Variants in FAM168A observed in about 807,000 individuals in gnomAD.
The protein encoded by FAM168A is protein FAM168A.
Under a neutral mutation model 28.5 loss-of-function variants are expected in FAM168A, and 3 were observed. That is an observed-to-expected ratio of 0.11 (90% CI 0.05 to 0.27). The LOEUF (loss-of-function observed/expected upper bound fraction) is 0.27, where lower values mean the gene tolerates loss of function less well. FAM168A is among the 10% of genes least tolerant of loss of function. FAM168A has a pLI of 1.00. For missense variants in FAM168A, 222 were observed against 311.5 expected (o/e 0.71, Z 2.16); for synonymous variants, 122 against 124.2 (o/e 0.98, Z 0.12).
At chr11:73,537,776 A>C (rs1028885646) in intron 1 of FAM168A, among the ~76,000 whole-genome samples, 1 of 152,170 alleles carries the variant, frequency 6.6e-6, no homozygotes, top group African/African-American at 2.4e-5. Context: ...AGTATTTCTC[A>C]GTCTGGTTTC....
intron 1 of FAM168A, among the ~76,000 whole-genome samples, chr11:73,579,563 T>C (rs775765579): frequency 2.0e-5 from 3 of 152,180 alleles, no homozygotes; most frequent in Non-Finnish European, 4.4e-5. Flanking sequence ...CAGTAAAGCA[T>C]AAATAACAGA....
chr11:73,554,237 G>T (rs1943862552), intron 1 of FAM168A, among the ~76,000 whole-genome samples: 1 of 151,462 alleles, frequency 6.6e-6, no homozygotes, highest in African/African-American at 2.4e-5. Context: ...AAATTAGCTG[G>T]GCATGGGGTG....
intron 1 of FAM168A, among the ~76,000 whole-genome samples, chr11:73,537,179 C>T (rs1943593109): frequency 6.6e-6 from 1 of 152,118 alleles, no homozygotes; most frequent in Admixed American, 6.5e-5. Flanking sequence ...TCTAAATGAG[C>T]ACAGAAGAGT....
chr11:73,472,632 T>C (rs1326459793), intron 1 of FAM168A, among the ~76,000 whole-genome samples: 2 of 152,216 alleles, frequency 1.3e-5, no homozygotes, highest in Non-Finnish European at 2.9e-5. Context: ...AGTAGGGCAA[T>C]CGGGAGGTTT....
chr11:73,433,561 T>G (rs1867035228), intron 2 of FAM168A, among the ~76,000 whole-genome samples: 1 of 152,142 alleles, frequency 6.6e-6, no homozygotes, highest in Non-Finnish European at 1.5e-5. Context: ...TTTTTATATA[T>G]GATATGAGGT....
intron 1 of FAM168A, among the ~76,000 whole-genome samples, chr11:73,562,494 T>C (rs1943970794): frequency 6.6e-6 from 1 of 152,204 alleles, no homozygotes; most frequent in Non-Finnish European, 1.5e-5. Flanking sequence ...TCATTTGATT[T>C]CTTGCTTAAT....
At chr11:73,576,615 G>A (rs146529376) in intron 1 of FAM168A, among the ~76,000 whole-genome samples, 8 of 152,228 alleles carry the variant, frequency 5.3e-5, no homozygotes, top group East Asian at 3.9e-4. Flanking sequence ...AAATGAAGAC[G>A]GAAATGGGGA....
intron 1 of FAM168A, among the ~76,000 whole-genome samples, chr11:73,517,779 G>C (rs1176952112): frequency 6.6e-6 from 1 of 152,116 alleles, no homozygotes; most frequent in Non-Finnish European, 1.5e-5. Flanking sequence ...TTAACACGAA[G>C]GCAGATACTG....
chr11:73,417,802 G>T (rs184557515), intron 4 of FAM168A, among the ~76,000 whole-genome samples: 1 of 151,882 alleles, frequency 6.6e-6, no homozygotes, highest in Non-Finnish European at 1.5e-5. Flanking sequence ...CTTGTGATCC[G>T]CCCACCTCGG....
chr11:73,507,086 CAT>C (rs1180107155), intron 1 of FAM168A, among the ~76,000 whole-genome samples: 2 of 152,174 alleles, frequency 1.3e-5, no homozygotes. Context: ...CCTATTAAAA[CAT>C]AGCTCACACT....
At chr11:73,508,624 G>T (rs1855161352) in intron 1 of FAM168A, among the ~76,000 whole-genome samples, 1 of 152,022 alleles carries the variant, frequency 6.6e-6, no homozygotes, top group South Asian at 2.1e-4. Context: ...GTTTAGGGGT[G>T]TGTGCATATG....
At chr11:73,519,696 G>A (rs1028667829) in intron 1 of FAM168A, among the ~76,000 whole-genome samples, 1 of 152,070 alleles carries the variant, frequency 6.6e-6, no homozygotes, top group African/African-American at 2.4e-5. Flanking sequence ...AGCTTGACAG[G>A]CTCTCAGAGG....
At chr11:73,528,190 T>C (rs1217606326) in intron 1 of FAM168A, among the ~76,000 whole-genome samples, 2 of 152,154 alleles carry the variant, frequency 1.3e-5, no homozygotes, top group Admixed American at 6.5e-5. Flanking sequence ...GCAATACTCT[T>C]GTCAGAGGCG....
intron 1 of FAM168A, among the ~76,000 whole-genome samples, chr11:73,496,795 C>T (rs1047799137): frequency 2.0e-5 from 3 of 151,760 alleles, no homozygotes; most frequent in African/African-American, 7.3e-5. Context: ...CTCCTGACCT[C>T]GTGATCCACC....
intron 1 of FAM168A, among the ~76,000 whole-genome samples, chr11:73,529,719 G>C (rs12417890): frequency 0.079 from 11,936 of 151,088 alleles, 604 homozygotes; most frequent in Admixed American, 0.11. Flanking sequence ...AGAAGAATCA[G>C]AATTAAGCCA....
intron 4 of FAM168A, among the ~76,000 whole-genome samples, chr11:73,413,963 T>C (rs1281709176): frequency 1.3e-5 from 2 of 152,130 alleles, no homozygotes; most frequent in Non-Finnish European, 2.9e-5. Context: ...CTTGGGAGGC[T>C]GAGGCATGAG....
intron 1 of FAM168A, among the ~76,000 whole-genome samples, chr11:73,574,089 C>T (rs956592219): frequency 1.3e-5 from 2 of 152,054 alleles, no homozygotes; most frequent in Non-Finnish European, 2.9e-5. Context: ...CACCACTGTA[C>T]TCCAGCCTGG....
chr11:73,419,695 G>C (rs1006328011), intron 4 of FAM168A, among the ~76,000 whole-genome samples, 179 bp downstream of exon 4: 3 of 152,294 alleles, frequency 2.0e-5, no homozygotes, highest in Middle Eastern at 3.4e-3. Flanking sequence ...CTGAGTGCAT[G>C]ATCAAAGAGA....
chr11:73,568,682 G>T (rs1178559058), intron 1 of FAM168A, among the ~76,000 whole-genome samples: 1 of 152,118 alleles, frequency 6.6e-6, no homozygotes, highest in Non-Finnish European at 1.5e-5. Context: ...AGATCACAAG[G>T]TCAGGAGTTT....
Sources: gnomAD v4.1 joint callset for allele counts (sites outside exome capture counted in the v4.1 genomes callset) on GRCh38, gnomAD v4.1.1 for gene constraint, MANE v1.5 for transcripts, NCBI Gene and HGNC (gene_info 2026-07-23, HGNC 2026-07-21) for gene names.